Variants in GYPE observed in about 807,000 individuals in gnomAD.
GYPE encodes glycophorin-E.
Under a neutral mutation model 11.6 loss-of-function variants are expected in GYPE, and 8 were observed. The observed-to-expected ratio is 0.69, with a 90% confidence interval of 0.41 to 1.25. GYPE has a LOEUF of 1.25. GYPE is among the 50% of genes most tolerant of loss of function. The probability of loss-of-function intolerance (pLI) is 0.01; values close to 1 mark genes in which losing one functional copy is unlikely to be tolerated. For synonymous variants in GYPE, 28 were observed against 29.6 expected (o/e 0.94, Z 0.18); for missense variants, 90 against 92.8 (o/e 0.97, Z 0.12).
At chr4:143,899,092 A>G (rs1400329739) in intron 1 of GYPE, among the ~76,000 whole-genome samples, 1 of 147,586 alleles carries the variant, frequency 6.8e-6, no homozygotes, top group Non-Finnish European at 1.5e-5. Context: ...GCAAAAGGCT[A>G]ACATAACAGC....
chr4:143,873,225 T>C (rs550881599), intron 3 of GYPE: 1 of 283,344 alleles, frequency 3.5e-6, no homozygotes, highest in East Asian at 8.0e-5. Context: ...CTGAGGACAT[T>C]AAAATATACA....
intron 1 of GYPE, among the ~76,000 whole-genome samples, chr4:143,889,324 A>T (rs1211735171): frequency 3.3e-5 from 5 of 152,082 alleles, no homozygotes; most frequent in African/African-American, 1.2e-4. Flanking sequence ...CATTCCAGCC[A>T]GTGCACATTC....
rs748890236 is a variant in GYPE at position 143,880,507 on chromosome 4, T to C, written c.40A>G (p.Ile14Val). The change falls in exon 2 of 4, where the codon ATT becomes GTT. Residue 14 changes from isoleucine (I) to valine (V), a missense_variant and splice_region_variant. Physicochemically the swap from Ile to Val is conservative, Grantham distance 29 (BLOSUM62 3). Transcript: ENST00000358615. ...GTACTTGATGCTGATATGCTCACAA[T>C]TCCTGTATAAAATAGAAGTTGAGAA... ...KIIFVLLLSG[I>V]VSISASSTTG... The C allele has an allele frequency of 1.2e-6, 2 of 1,613,962 alleles. No individual in the cohort carries two copies. Among genetic ancestry groups the C allele is most frequent in the Admixed American group, 3.3e-5 (2 of 60,010 alleles).
chr4:143,894,619 A>G lies in GYPE; in HGVS notation c.37+10852T>C, dbSNP rs187320034. ...ATTCCTTCTGAAACTATTCCAATCA[A>G]TAGAAAAAGAGGGAATCCTCCCTAA... On this transcript the variant is annotated intron_variant, in intron 1 of 3. Coordinates refer to ENST00000358615, the MANE Select transcript of GYPE (RefSeq NM_198682.3). Among the ~76,000 whole-genome samples the G allele has an allele frequency of 3.5e-3, 526 of 152,256 alleles. 7 individuals carry two copies. Among genetic ancestry groups the G allele is most frequent in the African/African-American group, 0.012 (516 of 41,518 alleles).
At chr4:143,875,053 A>C (rs1743743068) in intron 3 of GYPE, among the ~76,000 whole-genome samples, 1 of 152,074 alleles carries the variant, frequency 6.6e-6, no homozygotes, top group South Asian at 2.1e-4. Flanking sequence ...TTGCTTTTTA[A>C]ATTACAGTGC....
chr4:143,875,618 A>T, intron 3 of GYPE: 1 of 1,511,390 alleles, frequency 6.6e-7, no homozygotes. Flanking sequence ...GGGTGTAGCC[A>T]ATTGGAGGCT....
At chr4:143,883,085 G>A (rs1237797460) in intron 1 of GYPE, among the ~76,000 whole-genome samples, 1 of 152,040 alleles carries the variant, frequency 6.6e-6, no homozygotes, top group Non-Finnish European at 1.5e-5. Flanking sequence ...TCATGGGGCT[G>A]GTTTCTCATG....
chr4:143,876,106 T>C (rs927511351), intron 3 of GYPE, among the ~76,000 whole-genome samples: 1 of 152,086 alleles, frequency 6.6e-6, no homozygotes, highest in East Asian at 1.9e-4. Context: ...TTATTTTGTT[T>C]ATTTTTATTT....
At chr4:143,893,975 C>G (rs1247512318) in intron 1 of GYPE, among the ~76,000 whole-genome samples, 1 of 152,184 alleles carries the variant, frequency 6.6e-6, no homozygotes, top group Non-Finnish European at 1.5e-5. Flanking sequence ...GGTCTTTTCA[C>G]ATATCCCATA....
intron 1 of GYPE, among the ~76,000 whole-genome samples, chr4:143,891,088 T>A (rs1317417911): frequency 6.6e-6 from 1 of 152,010 alleles, no homozygotes; most frequent in Non-Finnish European, 1.5e-5. Flanking sequence ...GTAAACTTCT[T>A]ATGTAAAGGG....
chr4:143,888,607 C>T (rs550409964), intron 1 of GYPE, among the ~76,000 whole-genome samples: 9 of 150,242 alleles, frequency 6.0e-5, no homozygotes, highest in African/African-American at 2.2e-4. Flanking sequence ...CCATTGACTT[C>T]CAACTCAATG....
intron 1 of GYPE, among the ~76,000 whole-genome samples, chr4:143,895,495 T>A (rs1203671848): frequency 1.3e-5 from 2 of 149,434 alleles, no homozygotes; most frequent in East Asian, 3.9e-4. Flanking sequence ...CACTGCTCAA[T>A]GAAATAAAAG....
chr4:143,892,774 AG>A (rs1744461644), intron 1 of GYPE, among the ~76,000 whole-genome samples: 1 of 145,816 alleles, frequency 6.9e-6, no homozygotes, highest in South Asian at 2.3e-4. Context: ...TGCTGAAAAA[AG>A]TGTATATTCT....
chr4:143,897,037 T>C (rs1049395041), intron 1 of GYPE, among the ~76,000 whole-genome samples: 1 of 151,876 alleles, frequency 6.6e-6, no homozygotes, highest in Non-Finnish European at 1.5e-5. Flanking sequence ...GGGATAGCAT[T>C]AAGAGATATA....
intron 1 of GYPE, among the ~76,000 whole-genome samples, chr4:143,903,209 T>C (rs1327629380): frequency 1.3e-5 from 2 of 151,980 alleles, no homozygotes; most frequent in Non-Finnish European, 2.9e-5. Flanking sequence ...ACTGTTTTTA[T>C]CTTATTTTAA....
intron 1 of GYPE, among the ~76,000 whole-genome samples, chr4:143,903,147 G>A (rs558870679): frequency 3.3e-5 from 5 of 151,826 alleles, no homozygotes; most frequent in African/African-American, 7.3e-5. Context: ...AGCAGTTTTC[G>A]GCATTCATGT....
chr4:143,891,250 G>A (rs1056484098), intron 1 of GYPE, among the ~76,000 whole-genome samples: 16 of 151,312 alleles, frequency 1.1e-4, no homozygotes, highest in East Asian at 1.9e-4. Flanking sequence ...CTATGTTCCA[G>A]TAATGATTTG....
intron 1 of GYPE, among the ~76,000 whole-genome samples, chr4:143,896,073 T>C (rs1744619213): frequency 6.6e-6 from 1 of 152,140 alleles, no homozygotes; most frequent in Non-Finnish European, 1.5e-5. Flanking sequence ...AACCTAGGCA[T>C]TACCATTCAG....
chr4:143,873,151 C>T (rs1000045332), intron 3 of GYPE, among the ~76,000 whole-genome samples: 2 of 152,162 alleles, frequency 1.3e-5, no homozygotes, highest in African/African-American at 4.8e-5. Context: ...ATAAATTCTG[C>T]TGGTCACCTT....
Sources: gnomAD v4.1 joint callset for allele counts (sites outside exome capture counted in the v4.1 genomes callset) on GRCh38, gnomAD v4.1.1 for gene constraint, MANE v1.5 for transcripts, NCBI Gene and HGNC (gene_info 2026-07-23, HGNC 2026-07-21) for gene names.